Variants in C20orf203 observed in about 807,000 individuals in gnomAD.
C20orf203 encodes uncharacterized protein C20orf203.
A neutral mutation model predicts 15.9 loss-of-function variants in C20orf203; 16 were observed. The ratio of observed to expected loss-of-function variants is 1.01; its 90% CI spans 0.68 to 1.53. The LOEUF is 1.53. Among genes scored for constraint, C20orf203 ranks in the 40% most tolerant of loss-of-function variants. The pLI, the probability that C20orf203 is intolerant of heterozygous loss-of-function variation, is 0.00. For missense variants in C20orf203, 263 were observed against 247.5 expected, an observed-to-expected ratio of 1.06 and a Z score of -0.42; for synonymous variants, 98 against 97.2, an observed-to-expected ratio of 1.01 and a Z score of -0.05.
intron 1 of C20orf203, among the ~76,000 whole-genome samples, chr20:32,671,069 T>C (rs559931981): frequency 1.3e-5 from 2 of 150,546 alleles, no homozygotes; most frequent in Admixed American, 6.6e-5. Context: ...TGAACCCTTG[T>C]GCATGGTTAG....
chr20:32,672,855 C>T (rs897096243), intron 1 of C20orf203, among the ~76,000 whole-genome samples: 1 of 152,112 alleles, frequency 6.6e-6, no homozygotes, highest in Non-Finnish European at 1.5e-5. Flanking sequence ...CTGTGGGCTC[C>T]GGCAGCAGAG....
chr20:32,641,466 T>A (rs868093575), intron 4 of C20orf203, among the ~76,000 whole-genome samples: 25 of 152,266 alleles, frequency 1.6e-4, no homozygotes, highest in Middle Eastern at 3.4e-3. Flanking sequence ...ATGTTTTAAT[T>A]CTCTCAATTA....
intron 1 of C20orf203, among the ~76,000 whole-genome samples, chr20:32,666,823 A>ATATATATATATATATATATATATG (rs1568756061): frequency 1.5e-4 from 16 of 106,790 alleles, no homozygotes; most frequent in Non-Finnish European, 2.8e-4. Flanking sequence ...ATATATATAT[A>ATATATATATATATATATATATATG]TAGTTTTGTT....
intron 4 of C20orf203, among the ~76,000 whole-genome samples, chr20:32,648,608 T>TGTTTTG (rs1555816316): frequency 0.18 from 13,633 of 77,710 alleles, 993 homozygotes; most frequent in South Asian, 0.35. Flanking sequence ...ATCTGGCTAA[T>TGTTTTG]TTTTTTTTTT....
At chr20:32,643,909 C>T in intron 4 of C20orf203, among the ~76,000 whole-genome samples, 1 of 152,186 alleles carries the variant, frequency 6.6e-6, no homozygotes, top group East Asian at 1.9e-4. Flanking sequence ...GTTTTTAAAA[C>T]CCTTTCACAC....
intron 1 of C20orf203, among the ~76,000 whole-genome samples, chr20:32,667,890 C>T (rs140427961): frequency 5.0e-4 from 76 of 152,192 alleles, no homozygotes; most frequent in African/African-American, 1.7e-3. Context: ...AGGATGGTCT[C>T]GATCTCCTGA....
intron 4 of C20orf203, among the ~76,000 whole-genome samples, chr20:32,641,706 C>T (rs550039458): frequency 6.6e-6 from 1 of 152,244 alleles, no homozygotes; most frequent in Non-Finnish European, 1.5e-5. Flanking sequence ...ATCTGTATCT[C>T]TCTGATAGCC....
chr20:32,639,118 C>T (rs1982211177), intron 5 of C20orf203, among the ~76,000 whole-genome samples: 1 of 152,248 alleles, frequency 6.6e-6, no homozygotes, highest in South Asian at 2.1e-4. Flanking sequence ...GCTCCCCTGG[C>T]TGGCCTGGCT....
intron 1 of C20orf203, among the ~76,000 whole-genome samples, chr20:32,652,690 A>T (rs1982664885): frequency 6.6e-6 from 1 of 152,064 alleles, no homozygotes; most frequent in South Asian, 2.1e-4. Context: ...CACGTCCACA[A>T]AAAACAGTGA....
Position 32,632,070 on chromosome 20 carries a change from G to A in C20orf203, c.*3500C>T, listed in dbSNP as rs1185337570. ...GACCTGAGACATGCAGGCAGAGAAG[G>A]GAGCCAGTGACCTCTAGGACCCCCA... On this transcript the variant is annotated 3_prime_UTR_variant, in exon 6 of 6. Coordinates refer to ENST00000608990, the MANE Select transcript of C20orf203 (RefSeq NM_182584.4). The A allele has an allele frequency of 6.6e-6, 1 of 152,306 alleles. No individual in the cohort carries two copies. The allele number at this position is 152,306 out of a possible 1,614,324, so 9.4% of individuals were successfully genotyped here. A position where few individuals can be genotyped will look rare whatever the true frequency, so the allele number is the denominator to read the frequency against.
intron 4 of C20orf203, among the ~76,000 whole-genome samples, chr20:32,646,655 G>A (rs996203144): frequency 2.0e-5 from 3 of 152,194 alleles, no homozygotes; most frequent in East Asian, 1.9e-4. Context: ...GGTCATCTCC[G>A]GGGAGGGAAA....
intron 1 of C20orf203, among the ~76,000 whole-genome samples, 193 bp downstream of exon 1, chr20:32,673,439 G>A (rs576943412): frequency 6.6e-6 from 1 of 152,312 alleles, no homozygotes; most frequent in East Asian, 1.9e-4. Context: ...CACATTCGGG[G>A]AGCCTCACCG....
At chr20:32,653,368 T>C (rs971701895) in intron 1 of C20orf203, among the ~76,000 whole-genome samples, 17 of 152,192 alleles carry the variant, frequency 1.1e-4, no homozygotes, top group African/African-American at 4.1e-4. Flanking sequence ...GAAGGCTGAG[T>C]GTCCAGGGCT....
rs140727582 is a variant in C20orf203, at chr20:32,647,564, G to C, written c.*1177+1691C>G. The stretch of plus-strand genomic sequence containing the variant: ...ACAATATATTAAAAAAATTAGCTGG[G>C]TATTTTAGCACACGCCTGTAGTCCC... On this transcript the variant is annotated intron_variant, in intron 4 of 5. Coordinates refer to ENST00000608990, the MANE Select transcript of C20orf203 (RefSeq NM_182584.4). Among the ~76,000 whole-genome samples, 7 of 152,100 alleles carry C rather than the reference G, an allele frequency of 4.6e-5. No homozygotes were observed. The South Asian group carries it at 1.5e-3, about 32-fold the overall frequency.
In C20orf203 at chr20:32,637,834, C is replaced by A. The variant is rs1362123497; in HGVS notation, c.*1299+2732G>T. Reference sequence around the variant, plus strand: ...TCTTTTGTTTAATTTGTTCAACAGACATCAGTGCCCTCTGCGTCACTGTGT... The same window carrying A: ...TCTTTTGTTTAATTTGTTCAACAGAAATCAGTGCCCTCTGCGTCACTGTGT... On this transcript the variant is annotated intron_variant, in intron 5 of 5. Transcript: ENST00000608990. Among the ~76,000 whole-genome samples the A allele has an allele frequency of 2.0e-5, 3 of 152,204 alleles. No individual in the cohort carries two copies. In the East Asian group the frequency reaches 5.8e-4, roughly 29 times the overall value.
At chr20:32,647,724 A>G (rs1982475602) in intron 4 of C20orf203, among the ~76,000 whole-genome samples, 1 of 152,088 alleles carries the variant, frequency 6.6e-6, no homozygotes, top group Admixed American at 6.6e-5. Context: ...AAAATGGAGA[A>G]CTAATGTGTG....
intron 4 of C20orf203, among the ~76,000 whole-genome samples, chr20:32,644,281 C>A (rs1227465337): frequency 6.6e-6 from 1 of 152,108 alleles, no homozygotes; most frequent in East Asian, 1.9e-4. Flanking sequence ...AACCCTGTCT[C>A]TACTAAAATA....
intron 1 of C20orf203, among the ~76,000 whole-genome samples, chr20:32,653,088 G>A (rs1265990713): frequency 6.6e-6 from 1 of 152,196 alleles, no homozygotes; most frequent in African/African-American, 2.4e-5. Flanking sequence ...CCAAATGATG[G>A]TCTGGGGCGC....
chr20:32,643,739 T>C (rs962911945), intron 4 of C20orf203, among the ~76,000 whole-genome samples: 3 of 152,076 alleles, frequency 2.0e-5, no homozygotes, highest in African/African-American at 7.2e-5. Flanking sequence ...CTCAAATTTA[T>C]TTGACGATGA....
Sources: gnomAD v4.1 joint callset for allele counts (sites outside exome capture counted in the v4.1 genomes callset) on GRCh38, gnomAD v4.1.1 for gene constraint, MANE v1.5 for transcripts, NCBI Gene and HGNC (gene_info 2026-07-23, HGNC 2026-07-21) for gene names.